SYNE1: variants seen among roughly 807,000 people sequenced by gnomAD.
SYNE1 encodes nesprin-1.
In SYNE1, 616 loss-of-function variants were observed where a neutral mutation model predicts 1,111.0. That is an observed-to-expected ratio of 0.55 (90% CI 0.52 to 0.59). SYNE1 has a LOEUF of 0.59. Among genes scored for constraint, SYNE1 ranks in the 20% least tolerant of loss-of-function variants. The probability of loss-of-function intolerance (pLI) is 0.00; values close to 1 mark genes in which losing one functional copy is unlikely to be tolerated. For synonymous variants in SYNE1, 3,855 were observed against 3,825.8 expected, an observed-to-expected ratio of 1.01 and a Z score of -0.28; for missense variants, 10,006 against 10,417.0, an observed-to-expected ratio of 0.96 and a Z score of 1.72.
At chr6:152,553,339 T>C (rs2099354188) in intron 3 of SYNE1, among the ~76,000 whole-genome samples, 1 of 152,156 alleles carries the variant, frequency 6.6e-6, no homozygotes, top group East Asian at 1.9e-4. Flanking sequence ...AGATAGGCAA[T>C]GTAGACGCAA....
In SYNE1 at chr6:152,462,751, A is replaced by C; in HGVS notation, c.2237T>G (p.Ile746Ser). ...GAAACCCCTCACCTCCAAGTCTTGA[A>C]TTAATAGCTTGACATTCATAAAAGA... ...EVSFMNVKLL[I>S]QDLEDIEQRV... Residue 746 changes from isoleucine to serine, a missense_variant, in exon 20 of 146, where the codon ATT (isoleucine) becomes AGT (serine). By Grantham distance (142) the Ile-to-Ser change is moderately radical. Transcript: ENST00000367255. 1 of 1,614,066 alleles carries C rather than the reference A, an allele frequency of 6.2e-7. No homozygotes were observed. The highest frequency in any genetic ancestry group is 8.5e-7 in the Non-Finnish European group (1 of 1,179,962).
chr6:152,140,799 C>T (rs557601966), intron 139 of SYNE1, among the ~76,000 whole-genome samples: 10 of 152,126 alleles, frequency 6.6e-5, no homozygotes, highest in African/African-American at 7.2e-5. Flanking sequence ...TTTGGGAGGC[C>T]GAGGCGGGTG....
chr6:152,417,157 G>C (rs1370687019), intron 40 of SYNE1, 142 bp from the exon 41 acceptor site: 115 of 1,253,888 alleles, frequency 9.2e-5, no homozygotes, highest in Non-Finnish European at 1.2e-4. Flanking sequence ...GTGAATCTTA[G>C]AAAATTCACA....
chr6:152,561,726 T>C (rs2099395949), intron 3 of SYNE1, among the ~76,000 whole-genome samples: 1 of 152,040 alleles, frequency 6.6e-6, no homozygotes, highest in South Asian at 2.1e-4. Context: ...ATACATGGAT[T>C]GGAACAGAAA....
At chr6:152,135,340 A>T in intron 141 of SYNE1, 108 bp from the exon 142 acceptor site, 1 of 1,271,218 alleles carries the variant, frequency 7.9e-7, no homozygotes, top group Non-Finnish European at 1.1e-6. Context: ...TTTTAAGAAC[A>T]TACATGCAAC....
Position 152,201,929 on chromosome 6 carries a change from T to C in SYNE1, c.23040A>G (p.Lys7680=). ...GTTTCTCCAGGGAATCTGCTATTCC[T>C]TTCTCACATTTTTCCCAGTCCTATC... The part of the protein sequence containing the change: ...FLLKDWEKCE[K]GIADSLEKLR... Residue 7680 remains lysine, a synonymous_variant, in exon 127 of 146, where the codon AAA becomes AAG. Transcript: ENST00000367255. 6.2e-7 allele frequency: 1 copy of C among 1,613,952 alleles called. No individual in the cohort carries two copies.
intron 143 of SYNE1, among the ~76,000 whole-genome samples, chr6:152,132,474 T>C (rs530689617): frequency 6.6e-6 from 1 of 152,360 alleles, no homozygotes; most frequent in South Asian, 2.1e-4. Context: ...GTTTCACTTA[T>C]AGCTTTATTA....
intron 4 of SYNE1, among the ~76,000 whole-genome samples, chr6:152,534,912 T>G (rs1020795729): frequency 2.4e-4 from 36 of 152,242 alleles, no homozygotes; most frequent in African/African-American, 8.0e-4. Flanking sequence ...AAATGTTCCT[T>G]TTAAAAGACT....
intron 40 of SYNE1, among the ~76,000 whole-genome samples, chr6:152,417,294 C>A (rs909230448): frequency 6.6e-6 from 1 of 152,112 alleles, no homozygotes. Flanking sequence ...GTCAGGAGAT[C>A]GAAACCATCC....
In SYNE1 at chr6:152,232,150, T is replaced by C; in HGVS notation, c.20828A>G (p.Tyr6943Cys). ...CTGAAGGTATTCATGAATTGCCTTG[T>C]AACCTATGGAATTTTTAATATTATC... The part of the protein sequence containing the change: ...DEDNIKNSIG[Y>C]KAIHEYLQKY... Residue 6943 changes from tyrosine to cysteine, a missense_variant, in exon 113 of 146, where the codon TAC (tyrosine) becomes TGC (cysteine). Physicochemically the swap from Tyr to Cys is radical, Grantham distance 194 (BLOSUM62 -2). Around this residue, in one of 7 missense-constraint regions of SYNE1, gnomAD observed 2,182 missense variants for 2,287.8 expected, o/e 0.95. Transcript: ENST00000367255. 1.9e-6 allele frequency: 3 copies of C among 1,604,330 alleles called. No individual in the cohort carries two copies. Among genetic ancestry groups the C allele is most frequent in the East Asian group, 2.2e-5 (1 of 44,796 alleles).
chr6:152,394,867 C>T (rs1252960485), intron 51 of SYNE1, among the ~76,000 whole-genome samples: 1 of 138,448 alleles, frequency 7.2e-6, no homozygotes, highest in African/African-American at 2.7e-5. Context: ...CTCACTGCAA[C>T]CTTTGCCTCC....
chr6:152,249,087 A>T, intron 105 of SYNE1, 74 bp downstream of exon 105: 1 of 1,045,180 alleles, frequency 9.6e-7, no homozygotes, highest in Admixed American at 1.7e-5. Context: ...TCTTTCATAG[A>T]ATATTCAAAA....
At chr6:152,443,553 C>T (rs779110760) in intron 30 of SYNE1, among the ~76,000 whole-genome samples, 2 of 152,152 alleles carry the variant, frequency 1.3e-5, no homozygotes, top group Non-Finnish European at 2.9e-5. Flanking sequence ...CGTGAGCCAC[C>T]GTGCCCGGCC....
rs1249475697 is a variant in SYNE1, at chr6:152,409,592, T to A, written c.6348A>T (p.Lys2116Asn). The change falls in exon 43 of 146, where the codon AAA becomes AAT. Residue 2116 changes from lysine (K) to asparagine (N), a missense_variant. By Grantham distance (94) the Lys-to-Asn change is moderately conservative. Transcript: ENST00000367255. ...SSVIVTRTTI[K>N]DQEDLKWAFS... ...AAGCCCATTTAAGATCCTCCTGATCTTTTATGGTAGTTCTGGTTACAATCA... is the reference window on the plus strand; with the variant it reads ...AAGCCCATTTAAGATCCTCCTGATCATTTATGGTAGTTCTGGTTACAATCA... 1 of 1,613,900 alleles carries A rather than the reference T, an allele frequency of 6.2e-7. No homozygotes were observed. The highest frequency in any genetic ancestry group is 8.5e-7 in the Non-Finnish European group (1 of 1,179,958).
intron 42 of SYNE1, among the ~76,000 whole-genome samples, chr6:152,412,867 G>T (rs74518434): frequency 0.5 from 65,696 of 132,030 alleles, 16,474 homozygotes; most frequent in East Asian, 0.73. Flanking sequence ...TTTTTTTTTT[G>T]GTGAGAAGGA....
intron 105 of SYNE1, among the ~76,000 whole-genome samples, chr6:152,248,675 A>T (rs1420017103): frequency 6.6e-6 from 1 of 152,074 alleles, no homozygotes; most frequent in African/African-American, 2.4e-5. Context: ...ATTCTCTAAC[A>T]ATTTGTGCCT....
At chr6:152,618,726 T>C (rs1397582387) in intron 3 of SYNE1, among the ~76,000 whole-genome samples, 14 of 152,122 alleles carry the variant, frequency 9.2e-5, no homozygotes, top group African/African-American at 3.4e-4. Flanking sequence ...CTTAACAAAT[T>C]TCACGATATC....
chr6:152,384,421 G>T (rs561256726), intron 55 of SYNE1, among the ~76,000 whole-genome samples: 1 of 152,158 alleles, frequency 6.6e-6, no homozygotes. Context: ...TGGAAGGATG[G>T]ATGAATAAAT....
chr6:152,431,288 A>G (rs1418061017), intron 34 of SYNE1, among the ~76,000 whole-genome samples: 1 of 152,164 alleles, frequency 6.6e-6, no homozygotes, highest in Non-Finnish European at 1.5e-5. Context: ...CGGGATTCAG[A>G]CTTACTAAGT....
Sources: gnomAD v4.1 joint callset for allele counts (sites outside exome capture counted in the v4.1 genomes callset) on GRCh38, gnomAD v4.1.1 for gene constraint, gnomAD v4.1.1 regional missense constraint, MANE v1.5 for transcripts, NCBI Gene and HGNC (gene_info 2026-07-23, HGNC 2026-07-21) for gene names.